ATP2A3: variants seen among roughly 807,000 people sequenced by gnomAD.
ATP2A3 encodes the protein sarcoplasmic/endoplasmic reticulum calcium ATPase 3.
A neutral mutation model predicts 106.8 loss-of-function variants in ATP2A3; 61 were observed. The observed-to-expected ratio is 0.57, with a 90% CI of 0.46 to 0.71. ATP2A3 has a LOEUF of 0.71. Among genes scored for constraint, ATP2A3 ranks in the 30% least tolerant of loss-of-function variants. The pLI, the probability that ATP2A3 is intolerant of heterozygous loss-of-function variation, is 0.00. For missense variants in ATP2A3, 1,201 were observed against 1,423.5 expected (o/e 0.84, Z 2.52); for synonymous variants, 611 against 609.3 (o/e 1.00, Z -0.04).
At chr17:3,940,696 C>T (rs970103231) in intron 14 of ATP2A3, among the ~76,000 whole-genome samples, 12 of 152,032 alleles carry the variant, frequency 7.9e-5, no homozygotes, top group African/African-American at 2.7e-4. Context: ...TTAGTAGAGA[C>T]GGGGTTTCCT....
In ATP2A3 at chr17:3,936,720, G is replaced by T; in HGVS notation, c.2322-251C>A. ...GCTCTTTAGGCCTAGCAGAGGCCAAGTACACACACACACACACACACACAC... is the reference window on the plus strand; with the variant it reads ...GCTCTTTAGGCCTAGCAGAGGCCAATTACACACACACACACACACACACAC... On this transcript the variant is annotated intron_variant, in intron 15 of 20. Coordinates refer to ENST00000397041, the MANE Select transcript of ATP2A3 (RefSeq NM_005173.4). The surrounding 1 kb of genome is among the most constrained non-coding windows in gnomAD (Gnocchi z 5.4). The T allele has an allele frequency of 1.0e-4, 45 of 450,268 alleles. No homozygotes were observed. The highest frequency in any genetic ancestry group is 1.3e-4 in the Non-Finnish European group (32 of 251,330). The allele number at this position is 450,268 out of a possible 1,614,324, so 27.9% of individuals were successfully genotyped here. A position where few individuals can be genotyped will look rare whatever the true frequency, so the allele number is the denominator to read the frequency against.
intron 1 of ATP2A3, among the ~76,000 whole-genome samples, chr17:3,962,726 C>CT (rs11394378): frequency 1 from 152,360 of 152,360 alleles, 76,180 homozygotes; most frequent in Non-Finnish European, 1. Context: ...GAAGACAGAC[C>CT]TGGCTAGGGT....
chr17:3,936,977 T>C lies in ATP2A3; in HGVS notation c.2321+439A>G. The C allele has an allele frequency of 3.0e-6, 1 of 331,456 alleles. No homozygotes were observed. Among genetic ancestry groups the C allele is most frequent in the Non-Finnish European group, 5.9e-6 (1 of 170,382 alleles). 20.5% of individuals were successfully genotyped at this position (331,456 alleles called of 1,614,324 possible). On this transcript the variant is annotated intron_variant, in intron 15 of 20. Coordinates refer to ENST00000397041, the MANE Select transcript of ATP2A3 (RefSeq NM_005173.4). The surrounding 1 kb of genome is among the most constrained non-coding windows in gnomAD (Gnocchi z 5.4). Reference sequence around the variant, plus strand: ...CACACGCCGGCACAAATCCTTCTGCTTGTACTCACGCTCAAAATGCACCAG... The same window carrying C: ...CACACGCCGGCACAAATCCTTCTGCCTGTACTCACGCTCAAAATGCACCAG...
At chr17:3,932,045 T>A (rs938071354) in intron 17 of ATP2A3, among the ~76,000 whole-genome samples, 12 of 152,208 alleles carry the variant, frequency 7.9e-5, no homozygotes, top group African/African-American at 2.7e-4. Flanking sequence ...AGATAGAGAA[T>A]CTGATAATCT....
At position 3,923,985 on chromosome 17, in the gene ATP2A3, T is replaced by C. The variant is rs948161201; in HGVS notation, c.*1437A>G. Reference sequence around the variant, plus strand: ...CTCCCCCCAGGAAAGAAGCAGAGAATCTCTGCAGGCACCAGACTCCCTGCC... The same window carrying C: ...CTCCCCCCAGGAAAGAAGCAGAGAACCTCTGCAGGCACCAGACTCCCTGCC... On this transcript the variant is annotated 3_prime_UTR_variant, in exon 21 of 21. Coordinates refer to ENST00000397041, the MANE Select transcript of ATP2A3 (RefSeq NM_005173.4). 3.3e-5 allele frequency: 5 copies of C among 152,220 alleles called. No individual in the cohort carries two copies. The highest frequency in any genetic ancestry group is 1.2e-4 in the African/African-American group (5 of 41,432). 9.4% of individuals were successfully genotyped at this position (152,220 alleles called of 1,614,324 possible).
chr17:3,927,983 C>G (rs1304651049), intron 20 of ATP2A3: 1 of 1,614,002 alleles, frequency 6.2e-7, no homozygotes, highest in South Asian at 1.1e-5. Flanking sequence ...GAGCTCACCC[C>G]TGCTTCCTCC....
chr17:3,933,680 G>A (rs1270426417), intron 17 of ATP2A3, among the ~76,000 whole-genome samples: 2 of 151,104 alleles, frequency 1.3e-5, no homozygotes, highest in Non-Finnish European at 2.9e-5. Flanking sequence ...AGGTTGCAGT[G>A]AGCCAAGATT....
At chr17:3,933,228 C>T (rs1373358170) in intron 17 of ATP2A3, among the ~76,000 whole-genome samples, 2 of 151,486 alleles carry the variant, frequency 1.3e-5, no homozygotes, top group Non-Finnish European at 2.9e-5. Context: ...TTGCAGTGAG[C>T]TGAGATCGCG....
intron 1 of ATP2A3, among the ~76,000 whole-genome samples, chr17:3,962,382 T>C (rs1437144972): frequency 6.6e-6 from 1 of 152,142 alleles, no homozygotes; most frequent in Non-Finnish European, 1.5e-5. Context: ...AATGAGATAA[T>C]AGATGAAAAA....
intron 8 of ATP2A3, among the ~76,000 whole-genome samples, chr17:3,946,259 AAAT>A (rs1178440094): frequency 2.7e-4 from 37 of 136,050 alleles, no homozygotes; most frequent in Middle Eastern, 4.9e-3. Context: ...AAAAAAAAAA[AAAT>A]TTATTAGGGC....
At position 3,964,253 on chromosome 17, in the gene ATP2A3, C is replaced by A; in HGVS notation, c.39G>T (p.Leu13=). ...AAHLLPAADV[L]RHFSVTAEGG... Reference sequence around the variant, plus strand: ...CCTCGGCTGTCACCGAGAAGTGGCGCAGCACGTCGGCGGCCGGGAGCAGAT... The same window carrying A: ...CCTCGGCTGTCACCGAGAAGTGGCGAAGCACGTCGGCGGCCGGGAGCAGAT... The change falls in exon 1 of 21, where the codon CTG becomes CTT. Residue 13 remains leucine, a synonymous_variant. Coordinates refer to ENST00000397041, the MANE Select transcript of ATP2A3 (RefSeq NM_005173.4). The A allele has an allele frequency of 7.8e-7, 1 of 1,284,026 alleles. No homozygotes were observed. The highest frequency in any genetic ancestry group is 1.7e-5 in the South Asian group (1 of 59,474). The allele number at this position is 1,284,026 out of a possible 1,614,324, so 79.5% of individuals were successfully genotyped here. A position where few individuals can be genotyped will look rare whatever the true frequency, so the allele number is the denominator to read the frequency against.
chr17:3,943,901 G>A (rs1317279384), intron 10 of ATP2A3, among the ~76,000 whole-genome samples: 3 of 152,032 alleles, frequency 2.0e-5, no homozygotes, highest in Admixed American at 6.5e-5. Context: ...TTGTTCCCCG[G>A]GGACCCCTCA....
chr17:3,929,177 G>C lies in ATP2A3; in HGVS notation c.2862+151C>G. ...CCAGGTCTGGGAGCTCCTGAAGGTG[G>C]GGCCACAGCTGGAGGTGGTGGCTGG... On this transcript the variant is annotated intron_variant, in intron 19 of 20. Transcript: ENST00000397041. This position sits in a 1 kb window ranked among gnomAD's most constrained non-coding sequence, Gnocchi z 4.3. 5.6e-6 allele frequency: 4 copies of C among 709,942 alleles called. No individual in the cohort carries two copies. The highest frequency in any genetic ancestry group is 9.3e-6 in the Non-Finnish European group (4 of 431,586). 44.0% of individuals were successfully genotyped at this position (709,942 alleles called of 1,614,324 possible).
chr17:3,947,747 TC>T lies in ATP2A3; in HGVS notation c.738del (p.Thr247ArgfsTer20). On this transcript the variant is annotated frameshift_variant, in exon 8 of 21. Coordinates refer to ENST00000397041, the MANE Select transcript of ATP2A3 (RefSeq NM_005173.4). LOFTEE classifies it high-confidence loss of function. This position sits in a 1 kb window ranked among gnomAD's most constrained non-coding sequence, Gnocchi z 7.7. ...RSQMAAVEPE[R>X]TPLQRKLDEF... ...TCGTCCAGCTTGCGCTGCAGCGGCGTCCGCTCGGGCTCGACTGCCGCCATCT... is the reference window on the plus strand; with the variant it reads ...TCGTCCAGCTTGCGCTGCAGCGGCGTCGCTCGGGCTCGACTGCCGCCATCT... 2.5e-6 allele frequency: 4 copies of T among 1,607,496 alleles called. No individual in the cohort carries two copies. The highest frequency in any genetic ancestry group is 3.4e-6 in the Non-Finnish European group (4 of 1,179,818).
In ATP2A3 at chr17:3,951,629, C is replaced by G. The variant is rs1320225131; in HGVS notation, c.276G>C (p.Leu92=). 6.2e-7 allele frequency: 1 copy of G among 1,607,560 alleles called. No homozygotes were observed. The highest frequency in any genetic ancestry group is 1.3e-5 in the African/African-American group (1 of 74,452). Residue 92 remains leucine, a synonymous_variant, in exon 4 of 21, where the codon CTG becomes CTC. Transcript: ENST00000397041. The part of the protein sequence containing the change: ...EETTTAFVEP[L]VIMLILVANA... The stretch of plus-strand genomic sequence containing the variant: ...TGGCCACGAGGATCAGCATGATGAC[C>G]AGGGGCTCCACGAAGGCGGTCGTGG...
intron 10 of ATP2A3, among the ~76,000 whole-genome samples, chr17:3,943,983 C>G (rs953870665): frequency 5.9e-5 from 9 of 152,196 alleles, no homozygotes; most frequent in Non-Finnish European, 1.3e-4. Flanking sequence ...CAGGAGCCCC[C>G]CTGGCTTCCT....
In ATP2A3 at chr17:3,936,309, G is replaced by A. The variant is rs572752553; in HGVS notation, c.2482C>T (p.Leu828Phe). 4 of 1,614,134 alleles carry A rather than the reference G, an allele frequency of 2.5e-6. No homozygotes were observed. In the South Asian group the frequency reaches 4.4e-5, roughly 18 times the overall value. Reference sequence around the variant, plus strand: ...CGGAAGAAGAGCCAGCCACTGATGAGGGCTTCTCGGGGGCTCCGGGGCAGC... The same window carrying A: ...CGGAAGAAGAGCCAGCCACTGATGAAGGCTTCTCGGGGGCTCCGGGGCAGC... ...EKLPRSPREALISGWLFFRYL... is the reference protein window; with the variant it reads ...EKLPRSPREAFISGWLFFRYL... The change falls in exon 16 of 21, where the codon CTC becomes TTC. Residue 828 changes from leucine (L) to phenylalanine (F), a missense_variant. Leu to Phe is a conservative substitution (Grantham distance 22, BLOSUM62 0). Transcript: ENST00000397041. The surrounding 1 kb of genome is among the most constrained non-coding windows in gnomAD (Gnocchi z 5.4).
At position 3,936,458 on chromosome 17, in the gene ATP2A3, G is replaced by T; in HGVS notation, c.2333C>A (p.Thr778Lys). The T allele has an allele frequency of 7.4e-6, 12 of 1,614,058 alleles. No individual in the cohort carries two copies. The highest frequency in any genetic ancestry group is 1.0e-5 in the Non-Finnish European group (12 of 1,180,014). ...GGCTTCGGGCAGGCCCAGAATTGCC[G>T]TGAGGAAGATGCTGGAACAGAGTCA... is the stretch of plus-strand genomic sequence containing the variant. ...NVGEVVCIFL[T>K]AILGLPEALI... The change falls in exon 16 of 21, where the codon ACG becomes AAG. Residue 778 changes from threonine (T) to lysine (K), a missense_variant. Thr to Lys is a moderately conservative substitution (Grantham distance 78, BLOSUM62 -1). This residue lies in a region of ATP2A3 where 935 missense variants were observed against 1,176.7 expected (regional missense o/e 0.79). Coordinates refer to ENST00000397041, the MANE Select transcript of ATP2A3 (RefSeq NM_005173.4). This position sits in a 1 kb window ranked among gnomAD's most constrained non-coding sequence, Gnocchi z 5.4.
intron 13 of ATP2A3, 35 bp downstream of exon 13, chr17:3,941,401 C>T: frequency 5.0e-6 from 8 of 1,612,790 alleles, no homozygotes; most frequent in Non-Finnish European, 6.8e-6. Flanking sequence ...CTGCACCCAC[C>T]TCGTACTGCA....
Sources: allele counts gnomAD v4.1 joint callset (sites outside exome capture counted in the v4.1 genomes callset), GRCh38; gene constraint gnomAD v4.1.1; regional missense constraint gnomAD v4.1.1; non-coding constraint Gnocchi (gnomAD v3.1); transcripts MANE v1.5; gene names NCBI Gene and HGNC (gene_info 2026-07-23, HGNC 2026-07-21).